The following MAGI2 variants were observed in gnomAD, a reference collection of about 807,000 sequenced individuals.
MAGI2 encodes the protein membrane associated guanylate kinase, WW and PDZ domain containing 2, also known as membrane-associated guanylate kinase, WW and PDZ domain-containing protein 2.
A neutral mutation model predicts 133.3 loss-of-function variants in MAGI2; 35 were observed. That is an observed-to-expected ratio of 0.26 (90% CI 0.20 to 0.35). The LOEUF is 0.35. Ranked by LOEUF, MAGI2 falls within the 10% of genes least tolerant of loss-of-function variation. MAGI2 has a pLI of 1.00. For missense variants in MAGI2, 1,636 were observed against 1,863.4 expected, an observed-to-expected ratio of 0.88 and a Z score of 2.25; for synonymous variants, 729 against 710.6, an observed-to-expected ratio of 1.03 and a Z score of -0.41.
intron 3 of MAGI2, among the ~76,000 whole-genome samples, chr7:78,537,020 C>G (rs1798010919): frequency 6.6e-6 from 1 of 151,290 alleles, no homozygotes; most frequent in Non-Finnish European, 1.5e-5. Flanking sequence ...TTTGTGTCCT[C>G]ATAGCTTAGC....
chr7:78,875,045 A>T (rs511533), intron 2 of MAGI2, among the ~76,000 whole-genome samples: 82,203 of 151,750 alleles, frequency 0.54, 24,072 homozygotes, highest in Middle Eastern at 0.69. Flanking sequence ...ACAGATAGAA[A>T]TTAGGGACAA....
intron 10 of MAGI2, among the ~76,000 whole-genome samples, chr7:78,245,842 G>A (rs1189973738): frequency 1.3e-5 from 2 of 152,144 alleles, no homozygotes; most frequent in Non-Finnish European, 2.9e-5. Flanking sequence ...CCGACACGGT[G>A]CCTTGCCCCC....
intron 2 of MAGI2, among the ~76,000 whole-genome samples, chr7:78,677,438 A>C (rs748323269): frequency 1.1e-4 from 17 of 151,958 alleles, no homozygotes; most frequent in Non-Finnish European, 2.2e-4. Flanking sequence ...TTTTCAGTTA[A>C]AGAAAAAATT....
At chr7:79,161,940 G>A (rs577718751) in intron 1 of MAGI2, among the ~76,000 whole-genome samples, 491 of 152,110 alleles carry the variant, frequency 3.2e-3, no homozygotes, top group Non-Finnish European at 5.1e-3. Context: ...CAATTTAAAA[G>A]GAGTTTATAT....
chr7:78,023,952 T>C (rs544855904), intron 21 of MAGI2, among the ~76,000 whole-genome samples: 1 of 152,358 alleles, frequency 6.6e-6, no homozygotes, highest in Admixed American at 6.5e-5. Context: ...CTAGAGATGA[T>C]TTAAAGTATT....
At chr7:78,363,044 T>A (rs1197996440) in intron 7 of MAGI2, among the ~76,000 whole-genome samples, 11 of 152,220 alleles carry the variant, frequency 7.2e-5, no homozygotes. Flanking sequence ...GTTAAAATAA[T>A]GCCTTACACA....
intron 21 of MAGI2, chr7:78,039,652 C>A (rs1382787854): frequency 1.3e-5 from 2 of 152,140 alleles, no homozygotes; most frequent in Admixed American, 6.5e-5. Flanking sequence ...GAAAGAAAAA[C>A]CATTTTAGAG....
At chr7:79,100,308 G>A (rs919936183) in intron 1 of MAGI2, among the ~76,000 whole-genome samples, 2 of 152,002 alleles carry the variant, frequency 1.3e-5, no homozygotes, top group African/African-American at 4.8e-5. Flanking sequence ...CAGGCCAGTA[G>A]TATGAGAGAA....
At chr7:78,836,432 T>C (rs1791623647) in intron 2 of MAGI2, among the ~76,000 whole-genome samples, 1 of 152,188 alleles carries the variant, frequency 6.6e-6, no homozygotes, top group Non-Finnish European at 1.5e-5. Context: ...TAGCTTAATA[T>C]TGGTTTCTTA....
At chr7:79,330,266 T>C (rs1339016800) in intron 1 of MAGI2, among the ~76,000 whole-genome samples, 1 of 138,066 alleles carries the variant, frequency 7.2e-6, no homozygotes, top group Non-Finnish European at 1.5e-5. Context: ...CGATCTCGGC[T>C]CACTGCAAGC....
At chr7:78,578,124 T>G (rs1247962038) in intron 3 of MAGI2, among the ~76,000 whole-genome samples, 1 of 151,946 alleles carries the variant, frequency 6.6e-6, no homozygotes. Flanking sequence ...TGGCAGGATA[T>G]AATTATATTT....
intron 3 of MAGI2, among the ~76,000 whole-genome samples, chr7:78,553,170 G>A (rs1205006080): frequency 6.6e-6 from 1 of 151,540 alleles, no homozygotes; most frequent in Non-Finnish European, 1.5e-5. Context: ...AACGGCCTAG[G>A]TTTTACAAGG....
chr7:78,275,478 G>C (rs1794972815), intron 9 of MAGI2, among the ~76,000 whole-genome samples: 2 of 33,910 alleles, frequency 5.9e-5, no homozygotes, highest in African/African-American at 6.9e-4. Context: ...GAATCACTCA[G>C]TGACAGAATT....
chr7:79,064,773 G>A (rs1360740885), intron 1 of MAGI2, among the ~76,000 whole-genome samples: 2 of 152,052 alleles, frequency 1.3e-5, no homozygotes, highest in African/African-American at 4.8e-5. Context: ...CTGCACTTCT[G>A]ACTTTGTTGG....
intron 2 of MAGI2, among the ~76,000 whole-genome samples, chr7:78,867,584 T>C (rs955590515): frequency 4.7e-5 from 7 of 150,372 alleles, no homozygotes; most frequent in African/African-American, 1.7e-4. Flanking sequence ...GAGATATACC[T>C]AATGCTAGAT....
At chr7:78,134,917 C>T (rs1452452275) in intron 17 of MAGI2, 104 bp downstream of exon 17, 5 of 942,842 alleles carry the variant, frequency 5.3e-6, no homozygotes, top group Middle Eastern at 3.3e-4. Context: ...ACCACAGTGA[C>T]GGCAGGCAGG....
At chr7:79,121,159 A>G (rs1275935124) in intron 1 of MAGI2, among the ~76,000 whole-genome samples, 1 of 152,176 alleles carries the variant, frequency 6.6e-6, no homozygotes, top group African/African-American at 2.4e-5. Context: ...TTTATTAAAT[A>G]CTAGCTAATA....
intron 1 of MAGI2, among the ~76,000 whole-genome samples, chr7:79,186,202 AT>A (rs1827088038): frequency 1.1e-3 from 2 of 1,794 alleles, no homozygotes; most frequent in Non-Finnish European, 7.3e-3. Flanking sequence ...ATATATATAT[AT>A]ATATATATAT....
intron 7 of MAGI2, among the ~76,000 whole-genome samples, chr7:78,360,434 A>G (rs1792655716): frequency 6.6e-6 from 1 of 152,236 alleles, no homozygotes; most frequent in African/African-American, 2.4e-5. Flanking sequence ...TTAGAACTTA[A>G]TCTCAGTCTA....
Sources: allele counts gnomAD v4.1 joint callset (sites outside exome capture counted in the v4.1 genomes callset), GRCh38; gene constraint gnomAD v4.1.1; transcripts MANE v1.5; gene names NCBI Gene and HGNC (gene_info 2026-07-23, HGNC 2026-07-21).